Variants in CDK6 observed in about 807,000 individuals in gnomAD.
CDK6 encodes the protein cyclin-dependent kinase 6.
A neutral mutation model predicts 37.1 loss-of-function variants in CDK6; 6 were observed. The observed-to-expected ratio is 0.16, with a 90% confidence interval of 0.09 to 0.32. The LOEUF (loss-of-function observed/expected upper bound fraction) is 0.32, where lower values mean the gene tolerates loss of function less well. Among genes scored for constraint, CDK6 ranks in the 10% least tolerant of loss-of-function variants. CDK6 has a pLI of 1.00. For synonymous variants in CDK6, 160 were observed against 161.3 expected, an observed-to-expected ratio of 0.99 and a Z score of 0.06; for missense variants, 224 against 418.9, an observed-to-expected ratio of 0.53 and a Z score of 4.06.
At chr7:92,704,515 T>TA (rs1451460995) in intron 4 of CDK6, among the ~76,000 whole-genome samples, 2 of 152,166 alleles carry the variant, frequency 1.3e-5, no homozygotes, top group Non-Finnish European at 1.5e-5. Flanking sequence ...TTTCCTTCCT[T>TA]AAAAAATGTT....
At chr7:92,802,012 C>T (rs1193219309) in intron 2 of CDK6, among the ~76,000 whole-genome samples, 6 of 145,478 alleles carry the variant, frequency 4.1e-5, no homozygotes, top group African/African-American at 1.3e-4. Flanking sequence ...CCCTCCCTTC[C>T]CTCCTTCCTT....
At chr7:92,680,375 T>C (rs1797304411) in intron 4 of CDK6, among the ~76,000 whole-genome samples, 2 of 124,944 alleles carry the variant, frequency 1.6e-5, no homozygotes, top group African/African-American at 3.2e-5. Flanking sequence ...GAGGTTGCGG[T>C]GAGCCGAGAT....
chr7:92,725,433 C>T (rs987253189), intron 4 of CDK6, 193 bp downstream of exon 4: 6 of 725,828 alleles, frequency 8.3e-6, no homozygotes, highest in African/African-American at 7.7e-5. Flanking sequence ...CCACAACAAG[C>T]CCAGGCTGGA....
intron 4 of CDK6, among the ~76,000 whole-genome samples, chr7:92,700,812 A>G (rs1797824945): frequency 6.6e-6 from 1 of 152,270 alleles, no homozygotes; most frequent in Non-Finnish European, 1.5e-5. Flanking sequence ...ACGATGTCAC[A>G]GAAGTCAAGG....
At chr7:92,772,159 C>G (rs1198148067) in intron 3 of CDK6, among the ~76,000 whole-genome samples, 1 of 151,906 alleles carries the variant, frequency 6.6e-6, no homozygotes, top group Non-Finnish European at 1.5e-5. Flanking sequence ...TTTAAAAAAC[C>G]TTATATTTAA....
intron 3 of CDK6, among the ~76,000 whole-genome samples, chr7:92,766,988 C>G (rs571218770): frequency 1.3e-5 from 2 of 152,112 alleles, no homozygotes; most frequent in Non-Finnish European, 2.9e-5. Flanking sequence ...ACCCCCTGTA[C>G]CCCACCAAAG....
intron 4 of CDK6, among the ~76,000 whole-genome samples, chr7:92,723,159 G>A (rs776116166): frequency 1.3e-5 from 2 of 152,158 alleles, no homozygotes; most frequent in Non-Finnish European, 2.9e-5. Flanking sequence ...CTGGGCAACA[G>A]AGTGAAACTC....
intron 2 of CDK6, among the ~76,000 whole-genome samples, chr7:92,818,712 C>A (rs1420354433): frequency 6.6e-6 from 1 of 151,982 alleles, no homozygotes; most frequent in East Asian, 1.9e-4. Context: ...AAAGACTGCT[C>A]AAGAACTCTT....
In CDK6 at chr7:92,834,333, A is replaced by T. The variant is rs189987548; in HGVS notation, c.-367-643T>A. Among the ~76,000 whole-genome samples, 352 of 152,106 alleles carry T rather than the reference A, an allele frequency of 2.3e-3. 3 individuals carry two copies. Among genetic ancestry groups the T allele is most frequent in the African/African-American group, 8.3e-3 (343 of 41,484 alleles). ...AGTTTTTCTACGAGGAGACATTTAA[A>T]AACGACTCGCATACACAAATGGTCT... On this transcript the variant is annotated intron_variant, in intron 1 of 7. Coordinates refer to ENST00000424848, the MANE Select transcript of CDK6 (RefSeq NM_001145306.2). The surrounding 1 kb of genome is among the most constrained non-coding windows in gnomAD (Gnocchi z 4.6).
At position 92,609,506 on chromosome 7, in the gene CDK6, G is replaced by A. The variant is rs1795514654; in HGVS notation, c.*5634C>T. 4.4e-6 allele frequency: 1 copy of A among 227,916 alleles called. No homozygotes were observed. The allele number at this position is 227,916 out of a possible 1,614,324, so 14.1% of individuals were successfully genotyped here. A position where few individuals can be genotyped will look rare whatever the true frequency, so the allele number is the denominator to read the frequency against. On this transcript the variant is annotated 3_prime_UTR_variant, in exon 8 of 8. Transcript: ENST00000424848. Reference sequence around the variant, plus strand: ...AAATGTTAAAATTACCTGGTCTTTTGGTATTTTAGGGCTCTGTTTCAATAC... The same window carrying A: ...AAATGTTAAAATTACCTGGTCTTTTAGTATTTTAGGGCTCTGTTTCAATAC...
At chr7:92,742,867 C>T (rs1461790056) in intron 3 of CDK6, among the ~76,000 whole-genome samples, 2 of 151,928 alleles carry the variant, frequency 1.3e-5, no homozygotes, top group Admixed American at 6.6e-5. Flanking sequence ...ATTTAGAGTT[C>T]GCAGTTAAAA....
At chr7:92,686,792 T>C (rs1414393381) in intron 4 of CDK6, among the ~76,000 whole-genome samples, 1 of 150,060 alleles carries the variant, frequency 6.7e-6, no homozygotes, top group Non-Finnish European at 1.5e-5. Flanking sequence ...CAACATCCAT[T>C]TTTTTTTTTA....
At chr7:92,676,917 C>T (rs1207525892) in intron 4 of CDK6, among the ~76,000 whole-genome samples, 1 of 150,676 alleles carries the variant, frequency 6.6e-6, no homozygotes, top group African/African-American at 2.4e-5. Context: ...TGAGATCGCG[C>T]CACTGCACTC....
At chr7:92,761,623 A>C (rs1357961922) in intron 3 of CDK6, among the ~76,000 whole-genome samples, 1 of 152,236 alleles carries the variant, frequency 6.6e-6, no homozygotes, top group African/African-American at 2.4e-5. Context: ...CCTTAAAAAA[A>C]CTGTATATTC....
rs1799554821 is a variant in CDK6 at position 92,765,382 on chromosome 7, T to C, written c.369+9314A>G. ...TATCTTATAGTTTTGGTAGGATCAG[T>C]TATTGGTTTTAGACTATTTCTAAAC... On this transcript the variant is annotated intron_variant, in intron 3 of 7. Coordinates refer to ENST00000424848, the MANE Select transcript of CDK6 (RefSeq NM_001145306.2). Among the ~76,000 whole-genome samples, 2 of 152,144 alleles carry C rather than the reference T, an allele frequency of 1.3e-5. 1 individual carries two copies. The highest frequency in any genetic ancestry group is 2.9e-5 in the Non-Finnish European group (2 of 68,014).
At chr7:92,778,648 T>G in intron 2 of CDK6, among the ~76,000 whole-genome samples, 1 of 151,976 alleles carries the variant, frequency 6.6e-6, no homozygotes, top group East Asian at 1.9e-4. Context: ...AAAAAGAAAA[T>G]GGAGTTCCAC....
intron 4 of CDK6, among the ~76,000 whole-genome samples, chr7:92,718,830 T>G (rs540257037): frequency 6.6e-6 from 1 of 152,334 alleles, no homozygotes; most frequent in Admixed American, 6.5e-5. Flanking sequence ...AACTAGACAT[T>G]TCTTTGTGTG....
intron 2 of CDK6, among the ~76,000 whole-genome samples, chr7:92,787,820 AT>A (rs1346483470): frequency 2.0e-5 from 3 of 152,190 alleles, no homozygotes; most frequent in African/African-American, 7.2e-5. Flanking sequence ...AAGAAAAAAA[AT>A]CCTACATGGT....
intron 4 of CDK6, among the ~76,000 whole-genome samples, chr7:92,705,104 C>A (rs1173283228): frequency 6.6e-6 from 1 of 152,158 alleles, no homozygotes; most frequent in Non-Finnish European, 1.5e-5. Context: ...GACATTTTTA[C>A]CAATCTATGT....
Sources: gnomAD v4.1 joint callset for allele counts (sites outside exome capture counted in the v4.1 genomes callset) on GRCh38, gnomAD v4.1.1 for gene constraint, Gnocchi (gnomAD v3.1) non-coding constraint, MANE v1.5 for transcripts, NCBI Gene and HGNC (gene_info 2026-07-23, HGNC 2026-07-21) for gene names.